Variants in CAPN3 observed in about 807,000 individuals in gnomAD.
CAPN3 encodes calpain-3.
A neutral mutation model predicts 114.0 loss-of-function variants in CAPN3; 88 were observed. That is an observed-to-expected ratio of 0.77 (90% CI 0.65 to 0.92). CAPN3 has a LOEUF of 0.92. Ranked by LOEUF, CAPN3 falls within the 40% of genes least tolerant of loss-of-function variation. The probability of loss-of-function intolerance (pLI) is 0.00; values close to 1 mark genes in which losing one functional copy is unlikely to be tolerated. For missense variants in CAPN3, 1,028 were observed against 1,069.0 expected, an observed-to-expected ratio of 0.96 and a Z score of 0.53; for synonymous variants, 386 against 382.9, an observed-to-expected ratio of 1.01 and a Z score of -0.09.
intron 1 of CAPN3, 76 bp from the exon 2 acceptor site, chr15:42,384,407 T>C: frequency 9.2e-7 from 1 of 1,092,424 alleles, no homozygotes; most frequent in South Asian, 1.2e-5. Context: ...TGAGACTCCG[T>C]CTCAAAAAAA....
intron 1 of CAPN3, among the ~76,000 whole-genome samples, 195 bp downstream of exon 1, chr15:42,360,309 A>G (rs2052608886): frequency 6.6e-6 from 1 of 151,894 alleles, no homozygotes; most frequent in Admixed American, 6.6e-5. Context: ...TCTCAGCAAA[A>G]TCCAGAGGGA....
rs1057162714 is a variant in CAPN3 at position 42,412,258 on chromosome 15, A to G, written c.*485A>G. 6.0e-5 allele frequency: 84 copies of G among 1,399,110 alleles called. No homozygotes were observed. Among genetic ancestry groups the G allele is most frequent in the African/African-American group, 1.6e-4 (11 of 69,916 alleles). 86.7% of individuals were successfully genotyped at this position (1,399,110 alleles called of 1,614,324 possible). A position where few individuals can be genotyped will look rare whatever the true frequency, so the allele number is the denominator to read the frequency against. ...CTGGTTACTTTGGGCTGTCCAACTC[A>G]TAAGTTTGGCTGCATTTTGAAAAAA... On this transcript the variant is annotated 3_prime_UTR_variant, in exon 24 of 24. Transcript: ENST00000397163.
chr15:42,384,335 C>T lies in CAPN3; in HGVS notation c.310-148C>T. 11 of 674,166 alleles carry T rather than the reference C, an allele frequency of 1.6e-5. No individual in the cohort carries two copies. In the South Asian group the frequency reaches 1.6e-4, roughly 10 times the overall value. 41.8% of individuals were successfully genotyped at this position (674,166 alleles called of 1,614,324 possible). A position where few individuals can be genotyped will look rare whatever the true frequency, so the allele number is the denominator to read the frequency against. On this transcript the variant is annotated intron_variant, in intron 1 of 23. Transcript: ENST00000397163. ...GCTGAGGCAGGAGAATCACTTGAAC[C>T]CCGGAGGCAGAGGTTTCAGTGAGCC...
intron 1 of CAPN3, among the ~76,000 whole-genome samples, chr15:42,377,194 C>G (rs2053112290): frequency 1.3e-5 from 2 of 152,028 alleles, no homozygotes. Context: ...GCTAGGACTT[C>G]CAGTAGGACA....
chr15:42,411,369 C>G (rs1330278567), intron 23 of CAPN3, 24 bp downstream of exon 23: 1 of 1,608,136 alleles, frequency 6.2e-7, no homozygotes, highest in Admixed American at 1.7e-5. Flanking sequence ...ACAGCACATT[C>G]CCCCTACACA....
Position 42,412,210 on chromosome 15 carries a change from T to C in CAPN3, c.*437T>C. On this transcript the variant is annotated 3_prime_UTR_variant, in exon 24 of 24. Coordinates refer to ENST00000397163, the MANE Select transcript of CAPN3 (RefSeq NM_000070.3). ...AGCACTGGGTTCTACTGCTGTGGGGTAAACTAACTCAGTGGAATAGGGCTG... is the reference window on the plus strand; with the variant it reads ...AGCACTGGGTTCTACTGCTGTGGGGCAAACTAACTCAGTGGAATAGGGCTG... 1 of 1,534,942 alleles carries C rather than the reference T, an allele frequency of 6.5e-7. No individual in the cohort carries two copies. The highest frequency in any genetic ancestry group is 8.7e-7 in the Non-Finnish European group (1 of 1,145,926).
chr15:42,372,850 C>T (rs910795230), intron 1 of CAPN3, among the ~76,000 whole-genome samples: 2 of 146,314 alleles, frequency 1.4e-5, no homozygotes, highest in Non-Finnish European at 3.0e-5. Flanking sequence ...TCCATCTCAA[C>T]AACAAAAAAA....
Position 42,390,031 on chromosome 15 carries a change from A to G in CAPN3, c.880A>G (p.Met294Val). The G allele has an allele frequency of 6.2e-7, 1 of 1,614,090 alleles. No individual in the cohort carries two copies. Among genetic ancestry groups the G allele is most frequent in the Non-Finnish European group, 8.5e-7 (1 of 1,179,992 alleles). The part of the protein sequence containing the change: ...GELIARMVRN[M>V]DNSLLQDSDL... ...GTTGATTGCACGGATGGTAAGGAAT[A>G]TGGATAACTCACTGCTCCAGGACTC... The change falls in exon 6 of 24, where the codon ATG becomes GTG. Residue 294 changes from methionine to valine, a missense_variant. By Grantham distance (21) the Met-to-Val change is conservative. Coordinates refer to ENST00000397163, the MANE Select transcript of CAPN3 (RefSeq NM_000070.3).
chr15:42,404,833 C>T (rs2053973762), intron 14 of CAPN3: 2 of 1,076,224 alleles, frequency 1.9e-6, no homozygotes, highest in African/African-American at 3.3e-5. Context: ...TGAATGACCA[C>T]AGGCGATTGG....
In CAPN3 at chr15:42,410,638, C is replaced by G. The variant is rs147774793; in HGVS notation, c.2235C>G (p.Tyr745Ter). Residue 745 changes from tyrosine to a stop codon, truncating the protein, a stop_gained, in exon 21 of 24, where the codon TAC becomes TAG. Transcript: ENST00000397163. LOFTEE classifies it high-confidence loss of function. Reference protein sequence around the residue: ...DTDQSGTINSYEMRNAVNDAG... With the variant: ...DTDQSGTINS ...ACCAGTCCGGCACCATCAACAGCTACGAGATGCGAAATGCAGTCAACGACG... is the reference window on the plus strand; with the variant it reads ...ACCAGTCCGGCACCATCAACAGCTAGGAGATGCGAAATGCAGTCAACGACG... The G allele has an allele frequency of 5.0e-6, 8 of 1,613,872 alleles. No individual in the cohort carries two copies.
chr15:42,403,246 T>C (rs1047099312), intron 13 of CAPN3, among the ~76,000 whole-genome samples: 11 of 152,232 alleles, frequency 7.2e-5, no homozygotes, highest in Non-Finnish European at 1.5e-4. Context: ...AAGAAATCCC[T>C]GCCTTCATGG....
At chr15:42,386,689 A>G (rs1195742735) in intron 3 of CAPN3, among the ~76,000 whole-genome samples, 1 of 152,168 alleles carries the variant, frequency 6.6e-6, no homozygotes, top group African/African-American at 2.4e-5. Flanking sequence ...TCTCTAAGGC[A>G]TGGCGGTACC....
rs1157363531 is a variant in CAPN3 at position 42,410,581 on chromosome 15, T to C, written c.2185-7T>C. ...GTGACCTCCATCCTCAAATTTTCTA[T>C]TGCCAGAAAATTTTCAAACACTATG... On this transcript the variant is annotated splice_region_variant and splice_polypyrimidine_tract_variant and intron_variant, in intron 20 of 23. Transcript: ENST00000397163. 1.2e-6 allele frequency: 2 copies of C among 1,613,454 alleles called. No homozygotes were observed. The highest frequency in any genetic ancestry group is 4.5e-5 in the East Asian group (2 of 44,866).
At chr15:42,386,764 C>A (rs1017554386) in intron 3 of CAPN3, among the ~76,000 whole-genome samples, 8 of 152,176 alleles carry the variant, frequency 5.3e-5, no homozygotes, top group African/African-American at 1.9e-4. Context: ...GATCAGGCTT[C>A]TTGTTTGCCC....
At position 42,410,787 on chromosome 15, in the gene CAPN3, C is replaced by T. The variant is rs142261118; in HGVS notation, c.2264-97C>T. ...AGAGGGAAAGGGCTTCTCACTTTCC[C>T]TTCCCAGGTCACAGAGTGGCCGAGA... On this transcript the variant is annotated intron_variant, in intron 21 of 23. Coordinates refer to ENST00000397163, the MANE Select transcript of CAPN3 (RefSeq NM_000070.3). 6.1e-4 allele frequency: 833 copies of T among 1,376,258 alleles called. 6 individuals are homozygous for T. The African/African-American group carries it at 0.01, about 17-fold the overall frequency. The allele number at this position is 1,376,258 out of a possible 1,614,324, so 85.3% of individuals were successfully genotyped here.
rs565726655 is a variant in CAPN3 at position 42,401,644 on chromosome 15, C to G, written c.1358C>G (p.Thr453Ser). 46 of 1,614,156 alleles carry G rather than the reference C, an allele frequency of 2.8e-5. 1 individual carries two copies. The South Asian group carries it at 4.9e-4, about 17-fold the overall frequency. Residue 453 changes from threonine (T) to serine (S), a missense_variant, in exon 11 of 24, where the codon ACT becomes AGT. By Grantham distance (58) the Thr-to-Ser change is moderately conservative. Coordinates refer to ENST00000397163, the MANE Select transcript of CAPN3 (RefSeq NM_000070.3). Reference sequence around the variant, plus strand: ...TGCTTCCTTTCTGGGGGTGCAGATACTTTCTGGACCAACCCTCAGTACCGT... The same window carrying G: ...TGCTTCCTTTCTGGGGGTGCAGATAGTTTCTGGACCAACCCTCAGTACCGT... ...SAGGCRNFPD[T>S]FWTNPQYRLK...
At chr15:42,397,951 G>T (rs1042911156) in intron 9 of CAPN3, among the ~76,000 whole-genome samples, 1 of 152,040 alleles carries the variant, frequency 6.6e-6, no homozygotes, top group African/African-American at 2.4e-5. Flanking sequence ...AGCCCAGGAG[G>T]TTGAGGCTGC....
chr15:42,408,252 G>C lies in CAPN3; in HGVS notation c.1842G>C (p.Glu614Asp), dbSNP rs201607149. Residue 614 changes from glutamate (E) to aspartate (D), a missense_variant, in exon 16 of 24, where the codon GAG becomes GAC. Transcript: ENST00000397163. Reference protein sequence around the residue: ...FVSDRANSNKELGVDQESEEG... With the variant: ...FVSDRANSNKDLGVDQESEEG... Reference sequence around the variant, plus strand: ...CGGACAGAGCAAACAGCAACAAGGAGCTGGGTGTGGACCAGGAGTCAGAGG... The same window carrying C: ...CGGACAGAGCAAACAGCAACAAGGACCTGGGTGTGGACCAGGAGTCAGAGG... 1.4e-4 allele frequency: 233 copies of C among 1,613,952 alleles called. 1 individual carries two copies. The highest frequency in any genetic ancestry group is 8.2e-4 in the Admixed American group (49 of 60,002).
intron 1 of CAPN3, among the ~76,000 whole-genome samples, chr15:42,363,559 A>G (rs1315492158): frequency 1.3e-5 from 2 of 152,198 alleles, no homozygotes; most frequent in Non-Finnish European, 2.9e-5. Flanking sequence ...TTCTCTGGGA[A>G]GCAAGCTGCC....
Sources: allele counts gnomAD v4.1 joint callset (sites outside exome capture counted in the v4.1 genomes callset), GRCh38; gene constraint gnomAD v4.1.1; transcripts MANE v1.5; gene names NCBI Gene and HGNC (gene_info 2026-07-23, HGNC 2026-07-21).